The following ITFG1 variants were observed in gnomAD, a reference collection of about 807,000 sequenced individuals.
ITFG1 encodes T-cell immunomodulatory protein.
A neutral mutation model predicts 81.8 loss-of-function variants in ITFG1; 34 were observed. The observed-to-expected ratio is 0.42, with a 90% CI of 0.32 to 0.55. The LOEUF (loss-of-function observed/expected upper bound fraction) is 0.55. ITFG1 is among the 20% of genes least tolerant of loss of function. The pLI is 0.17. For missense variants in ITFG1, 672 were observed against 755.4 expected (o/e 0.89, Z 1.29); for synonymous variants, 285 against 270.6 (o/e 1.05, Z -0.52).
chr16:47,457,183 C>T (rs1969464433), intron 2 of ITFG1, among the ~76,000 whole-genome samples: 1 of 151,788 alleles, frequency 6.6e-6, no homozygotes, highest in African/African-American at 2.4e-5. Context: ...TGGTGGCAGG[C>T]ACCTGTAATC....
At chr16:47,268,183 C>T (rs1966298590) in intron 10 of ITFG1, among the ~76,000 whole-genome samples, 2 of 151,486 alleles carry the variant, frequency 1.3e-5, no homozygotes, top group African/African-American at 4.8e-5. Context: ...GTAAAAAGTA[C>T]CAATATCAGA....
rs1964936399 is a variant in ITFG1, at chr16:47,169,841, A to G, written c.1454-7177T>C. 2.0e-5 allele frequency among the ~76,000 whole-genome samples: 3 copies of G among 152,108 alleles called. No individual in the cohort carries two copies. The South Asian group carries it at 6.2e-4, about 32-fold the overall frequency. On this transcript the variant is annotated intron_variant, in intron 14 of 17. Coordinates refer to ENST00000320640, the MANE Select transcript of ITFG1 (RefSeq NM_030790.5). ...ATTTTTCTTATAAATGCCCTTTGTG[A>G]TGTTAAGGAAGTTCCCTTCTATTCC...
At chr16:47,327,829 G>A (rs1596898804) in intron 8 of ITFG1, among the ~76,000 whole-genome samples, 2 of 152,136 alleles carry the variant, frequency 1.3e-5, no homozygotes, top group Non-Finnish European at 2.9e-5. Context: ...GAAACAACAG[G>A]TGCTGGAGAG....
intron 6 of ITFG1, among the ~76,000 whole-genome samples, chr16:47,382,146 G>A (rs1361769614): frequency 6.6e-6 from 1 of 152,150 alleles, no homozygotes; most frequent in Non-Finnish European, 1.5e-5. Context: ...ATGAAACACA[G>A]CATGGGTCAA....
intron 13 of ITFG1, among the ~76,000 whole-genome samples, chr16:47,222,119 C>G (rs1965699137): frequency 6.6e-6 from 1 of 151,488 alleles, no homozygotes. Context: ...TATTTCTTAC[C>G]TTCTGCTAGC....
At chr16:47,243,078 C>A (rs978377364) in intron 12 of ITFG1, among the ~76,000 whole-genome samples, 2 of 152,024 alleles carry the variant, frequency 1.3e-5, no homozygotes, top group Non-Finnish European at 1.5e-5. Context: ...ATATTCATTA[C>A]AGCACTATTC....
In ITFG1 at chr16:47,376,964, C is replaced by CAAAA. The variant is rs1222007051; in HGVS notation, c.656-1028_656-1025dup. Among the ~76,000 whole-genome samples, 53 of 18,062 alleles carry CAAAA rather than the reference C, an allele frequency of 2.9e-3. 14 individuals are homozygous for CAAAA. Among genetic ancestry groups the CAAAA allele is most frequent in the African/African-American group, 4.5e-3 (36 of 8,052 alleles). 11.8% of individuals were successfully genotyped at this position (18,062 alleles called of 152,430 possible). A position where few individuals can be genotyped will look rare whatever the true frequency, so the allele number is the denominator to read the frequency against. ...GAGACAGAGGGAGACTCTGTCTCCC[C>CAAAA]AAAAAAAAAAAAAAAAAAAAAAAAA... On this transcript the variant is annotated intron_variant, in intron 6 of 17. Coordinates refer to ENST00000320640, the MANE Select transcript of ITFG1 (RefSeq NM_030790.5).
At chr16:47,382,702 A>G (rs1425087672) in intron 6 of ITFG1, among the ~76,000 whole-genome samples, 1 of 152,226 alleles carries the variant, frequency 6.6e-6, no homozygotes, top group Admixed American at 6.5e-5. Flanking sequence ...TTCAGATTGT[A>G]TATAAACTAA....
intron 14 of ITFG1, among the ~76,000 whole-genome samples, chr16:47,194,083 T>C (rs1192457627): frequency 1.3e-5 from 2 of 152,220 alleles, no homozygotes; most frequent in Non-Finnish European, 2.9e-5. Context: ...TTGTGTGTAT[T>C]CTCCTAATAA....
chr16:47,394,779 G>A (rs755304316), intron 6 of ITFG1, among the ~76,000 whole-genome samples: 2 of 152,062 alleles, frequency 1.3e-5, no homozygotes, highest in Non-Finnish European at 2.9e-5. Context: ...ATAAGCACCT[G>A]ATTCCTATGA....
chr16:47,341,497 G>A (rs1967784205), intron 8 of ITFG1, among the ~76,000 whole-genome samples: 1 of 148,798 alleles, frequency 6.7e-6, no homozygotes, highest in Non-Finnish European at 1.5e-5. Context: ...GATCCACAAA[G>A]GCAGTACTTG....
intron 8 of ITFG1, among the ~76,000 whole-genome samples, chr16:47,338,655 CTTT>C (rs879271028): frequency 7.1e-6 from 1 of 141,830 alleles, no homozygotes; most frequent in South Asian, 2.2e-4. Flanking sequence ...AAAAACTTTA[CTTT>C]TTTTTTTTTT....
intron 16 of ITFG1, among the ~76,000 whole-genome samples, chr16:47,159,846 T>G (rs1324445352): frequency 1.3e-5 from 2 of 152,146 alleles, no homozygotes; most frequent in East Asian, 3.8e-4. Context: ...TAATTAAAAT[T>G]TATTGATCCA....
intron 10 of ITFG1, among the ~76,000 whole-genome samples, chr16:47,266,718 T>C (rs954276104): frequency 2.6e-5 from 4 of 152,102 alleles, no homozygotes; most frequent in Non-Finnish European, 4.4e-5. Context: ...CCAAGGAAAA[T>C]GAAAACATGG....
intron 8 of ITFG1, among the ~76,000 whole-genome samples, chr16:47,321,004 C>A (rs779215103): frequency 6.6e-6 from 1 of 152,166 alleles, no homozygotes; most frequent in Admixed American, 6.5e-5. Flanking sequence ...TTTCTATCTA[C>A]AATCTGGAAC....
intron 8 of ITFG1, among the ~76,000 whole-genome samples, chr16:47,328,698 C>G (rs751475317): frequency 4.4e-4 from 67 of 151,980 alleles, no homozygotes; most frequent in Non-Finnish European, 7.4e-4. Context: ...CTTCTGAGTG[C>G]TCTCAATATG....
intron 8 of ITFG1, among the ~76,000 whole-genome samples, chr16:47,319,979 T>C (rs986672958): frequency 1.3e-5 from 2 of 152,194 alleles, no homozygotes; most frequent in African/African-American, 4.8e-5. Flanking sequence ...TGGAGTGCAG[T>C]GGCGCCATCT....
intron 5 of ITFG1, among the ~76,000 whole-genome samples, chr16:47,447,065 C>T (rs1327019630): frequency 6.6e-6 from 1 of 151,870 alleles, no homozygotes; most frequent in Admixed American, 6.6e-5. Context: ...ATGGGGTCTC[C>T]CTGTGTTACC....
At chr16:47,373,293 T>G (rs1968281618) in intron 7 of ITFG1, among the ~76,000 whole-genome samples, 1 of 152,138 alleles carries the variant, frequency 6.6e-6, no homozygotes, top group African/African-American at 2.4e-5. Context: ...TCTTTTTTTT[T>G]CCTTTTGAGA....
Sources: gnomAD v4.1 joint callset for allele counts (sites outside exome capture counted in the v4.1 genomes callset) on GRCh38, gnomAD v4.1.1 for gene constraint, MANE v1.5 for transcripts, NCBI Gene and HGNC (gene_info 2026-07-23, HGNC 2026-07-21) for gene names.